Variants in ZNF319 observed in about 807,000 individuals in gnomAD.
ZNF319 encodes zinc finger protein 319.
A neutral mutation model predicts 46.0 loss-of-function variants in ZNF319; 15 were observed. The observed-to-expected ratio is 0.33, with a 90% CI of 0.22 to 0.50. The LOEUF is 0.50. ZNF319 is among the 20% of genes least tolerant of loss of function. The pLI is 0.98. For synonymous variants in ZNF319, 368 were observed against 364.0 expected, an observed-to-expected ratio of 1.01 and a Z score of -0.13; for missense variants, 635 against 807.0, an observed-to-expected ratio of 0.79 and a Z score of 2.58.
In ZNF319 at chr16:57,996,155, T is replaced by G. The variant is rs542845575; in HGVS notation, c.*362A>C. Reference sequence around the variant, plus strand: ...CTTGAAAGATATGGGAAGGTTGGGCTGGCATCACACCCTCCTTAGGGCAGG... The same window carrying G: ...CTTGAAAGATATGGGAAGGTTGGGCGGGCATCACACCCTCCTTAGGGCAGG... On this transcript the variant is annotated 3_prime_UTR_variant, in exon 2 of 2. Transcript: ENST00000299237. 1 of 277,610 alleles carries G rather than the reference T, an allele frequency of 3.6e-6. No homozygotes were observed. Among genetic ancestry groups the G allele is most frequent in the African/African-American group, 2.2e-5 (1 of 45,490 alleles). The allele number at this position is 277,610 out of a possible 1,614,324, so 17.2% of individuals were successfully genotyped here. A position where few individuals can be genotyped will look rare whatever the true frequency, so the allele number is the denominator to read the frequency against.
rs1381888238 is a variant in ZNF319, at chr16:57,997,813, G to A, written c.453C>T (p.His151=). The A allele has an allele frequency of 1.2e-6, 2 of 1,612,686 alleles. No homozygotes were observed. The highest frequency in any genetic ancestry group is 1.7e-6 in the Non-Finnish European group (2 of 1,180,040). ...FSLLTSLAQH[H]SSHSGLVKCS... is the part of the protein sequence containing the mutation. ...ACTTCACCAGGCCACTGTGGGAGCT[G>A]TGGTGCTGTGCCAGTGAGGTGAGTA... is the stretch of plus-strand genomic sequence containing the variant. The change falls in exon 2 of 2, where the codon CAC becomes CAT. Residue 151 remains histidine (H), a synonymous_variant. Transcript: ENST00000299237.
chr16:57,997,074 G>A lies in ZNF319; in HGVS notation c.1192C>T (p.Leu398Phe). Residue 398 changes from leucine to phenylalanine, a missense_variant, in exon 2 of 2, where the codon CTC becomes TTC. Physicochemically the swap from Leu to Phe is conservative, Grantham distance 22. Coordinates refer to ENST00000299237, the MANE Select transcript of ZNF319 (RefSeq NM_020807.3). ...YHQHVHTLETLFKCPVCQKGF... is the reference protein window; with the variant it reads ...YHQHVHTLETFFKCPVCQKGF... Reference sequence around the variant, plus strand: ...TTCTGGCACACGGGGCACTTGAAGAGAGTCTCGAGGGTGTGCACGTGCTGG... The same window carrying A: ...TTCTGGCACACGGGGCACTTGAAGAAAGTCTCGAGGGTGTGCACGTGCTGG... The A allele has an allele frequency of 6.2e-7, 1 of 1,613,948 alleles. No homozygotes were observed. The highest frequency in any genetic ancestry group is 8.5e-7 in the Non-Finnish European group (1 of 1,179,982).
At position 57,998,174 on chromosome 16, in the gene ZNF319, AGGGCTG is replaced by A. The variant is rs779365144; in HGVS notation, c.86_91del (p.Pro29_Ala30del). Reference sequence around the variant, plus strand: ...GCCCGGAGGCAGCGTGTGCTCTGCCAGGGCTGGCGGTGGCTCTGCATGGTGCTGAGG... The same window carrying A: ...GCCCGGAGGCAGCGTGTGCTCTGCCAGCGGTGGCTCTGCATGGTGCTGAGG... On this transcript the variant is annotated inframe_deletion, in exon 2 of 2. Coordinates refer to ENST00000299237, the MANE Select transcript of ZNF319 (RefSeq NM_020807.3). 6.4e-7 allele frequency: 1 copy of A among 1,566,740 alleles called. No individual in the cohort carries two copies. The highest frequency in any genetic ancestry group is 1.2e-5 in the South Asian group (1 of 83,624).
Position 57,996,981 on chromosome 16 carries a change from TG to T in ZNF319, c.1284del (p.Phe428LeufsTer125). ...TAGGCCTTGTTGCACACAGGGCACTTGAAGGGCCGCTCGGCCGCGCCGGGCA... is the reference window on the plus strand; with the variant it reads ...TAGGCCTTGTTGCACACAGGGCACTTAAGGGCCGCTCGGCCGCGCCGGGCA... The part of the protein sequence containing the change: ...KCLPGAAERP[F>X]KCPVCNKAYK... On this transcript the variant is annotated frameshift_variant, in exon 2 of 2. Coordinates refer to ENST00000299237, the MANE Select transcript of ZNF319 (RefSeq NM_020807.3). LOFTEE classifies it high-confidence loss of function. 6.2e-7 allele frequency: 1 copy of T among 1,604,604 alleles called. No individual in the cohort carries two copies.
In ZNF319 at chr16:57,996,388, C is replaced by G; in HGVS notation, c.*129G>C. On this transcript the variant is annotated 3_prime_UTR_variant, in exon 2 of 2. Coordinates refer to ENST00000299237, the MANE Select transcript of ZNF319 (RefSeq NM_020807.3). ...CCTCATACCCCTGCGTCCTCACTCC[C>G]GAGGTCTCAGAACACCGAGCTGGGT... 1 of 1,428,696 alleles carries G rather than the reference C, an allele frequency of 7.0e-7. No individual in the cohort carries two copies. Among genetic ancestry groups the G allele is most frequent in the Non-Finnish European group, 9.1e-7 (1 of 1,095,148 alleles). 88.5% of individuals were successfully genotyped at this position (1,428,696 alleles called of 1,614,324 possible).
Position 57,996,894 on chromosome 16 carries a change from G to A in ZNF319, c.1372C>T (p.Leu458=), listed in dbSNP as rs777119525. 1.2e-6 allele frequency: 2 copies of A among 1,602,342 alleles called. No individual in the cohort carries two copies. Among genetic ancestry groups the A allele is most frequent in the Admixed American group, 1.7e-5 (1 of 59,568 alleles). Residue 458 remains leucine, a synonymous_variant, in exon 2 of 2, where the codon CTG becomes TTG. Transcript: ENST00000299237. ...LAHCAAAEKP[L]RCTLCERRFF... is the part of the protein sequence containing the mutation. ...CGGCGTTCGCAAAGCGTGCAGCGCA[G>A]GGGCTTCTCTGCCGCCGCACAGTGG...
rs1215989080 is a variant in ZNF319, at chr16:57,994,691, G to A, written c.*1826C>T. 3 of 152,214 alleles carry A rather than the reference G, an allele frequency of 2.0e-5. No homozygotes were observed. The highest frequency in any genetic ancestry group is 7.2e-5 in the African/African-American group (3 of 41,430). The allele number at this position is 152,214 out of a possible 1,614,324, so 9.4% of individuals were successfully genotyped here. On this transcript the variant is annotated 3_prime_UTR_variant, in exon 2 of 2. Transcript: ENST00000299237. ...AGTGCAGTGGTCTGTGACGGTCAAT[G>A]TCTTTACTTCTAAAGCATACATTGG... is the stretch of plus-strand genomic sequence containing the variant.
rs56347618 is a variant in ZNF319, at chr16:57,998,122, G to C, written c.144C>G (p.Ala48=). ...CTGGCTGCAGGAGGATGCCATAGAC[G>C]GCACAGCCCAGGGGGTTCTCCGCCG... is the stretch of plus-strand genomic sequence containing the variant. ...PGTAENPLGC[A]VYGILLQPDP... Residue 48 remains alanine (A), a synonymous_variant, in exon 2 of 2, where the codon GCC becomes GCG. Coordinates refer to ENST00000299237, the MANE Select transcript of ZNF319 (RefSeq NM_020807.3). 6.2e-7 allele frequency: 1 copy of C among 1,604,062 alleles called. No homozygotes were observed. Among genetic ancestry groups the C allele is most frequent in the East Asian group, 2.2e-5 (1 of 44,710 alleles).
chr16:57,997,419 C>T lies in ZNF319; in HGVS notation c.847G>A (p.Glu283Lys), dbSNP rs1212517985. The T allele has an allele frequency of 1.4e-5, 22 of 1,612,762 alleles. No individual in the cohort carries two copies. Among genetic ancestry groups the T allele is most frequent in the Non-Finnish European group, 1.9e-5 (22 of 1,179,616 alleles). ...LVRHMYAHSG[E>K]HHLFRCNVCE... ...ACGTTGCAGCGGAACAGGTGGTGCT[C>T]GCCCGAGTGCGCGTACATGTGGCGC... Residue 283 changes from glutamate (E) to lysine (K), a missense_variant, in exon 2 of 2, where the codon GAG becomes AAG. By Grantham distance (56) the Glu-to-Lys change is moderately conservative (BLOSUM62 1). Transcript: ENST00000299237.
chr16:57,996,851 T>C lies in ZNF319; in HGVS notation c.1415A>G (p.Glu472Gly), dbSNP rs1299818666. Residue 472 changes from glutamate (E) to glycine (G), a missense_variant, in exon 2 of 2, where the codon GAG (glutamate) becomes GGG (glycine). Around this residue, in one of 3 missense-constraint regions of ZNF319, gnomAD observed 270 missense variants for 281.4 expected, o/e 0.96. Coordinates refer to ENST00000299237, the MANE Select transcript of ZNF319 (RefSeq NM_020807.3). The stretch of plus-strand genomic sequence containing the variant: ...CGGATCGCAGCGGTGCTGCACGAAC[T>C]CGGAAGAGGAGAAGAAGCGGCGTTC... ...LCERRFFSSS[E>G]FVQHRCDPAR... 6.2e-7 allele frequency: 1 copy of C among 1,605,202 alleles called. No individual in the cohort carries two copies. Among genetic ancestry groups the C allele is most frequent in the African/African-American group, 1.3e-5 (1 of 74,896 alleles).
chr16:57,997,621 C>T lies in ZNF319; in HGVS notation c.645G>A (p.Ser215=), dbSNP rs1392402203. Residue 215 remains serine, a synonymous_variant, in exon 2 of 2, where the codon TCG becomes TCA. Transcript: ENST00000299237. The stretch of plus-strand genomic sequence containing the variant: ...GGATCCGCTCATGCCGAGAGAGCTC[C>T]GACAGGTGCTTGAAGGGCTTTTGGC... ...PICQKPFKHL[S]ELSRHERIHT... is the part of the protein sequence containing the mutation. 2.5e-6 allele frequency: 4 copies of T among 1,614,042 alleles called. No homozygotes were observed. The highest frequency in any genetic ancestry group is 1.1e-5 in the South Asian group (1 of 91,082).
In ZNF319 at chr16:57,996,352, C is replaced by A. The variant is rs949769632; in HGVS notation, c.*165G>T. ...TGGTGCCAGGAGTACGAGCGGCACACCCTCTCCCTGCCTCATACCCCTGCG... is the reference window on the plus strand; with the variant it reads ...TGGTGCCAGGAGTACGAGCGGCACAACCTCTCCCTGCCTCATACCCCTGCG... On this transcript the variant is annotated 3_prime_UTR_variant, in exon 2 of 2. Transcript: ENST00000299237. 54 of 1,371,408 alleles carry A rather than the reference C, an allele frequency of 3.9e-5. No individual in the cohort carries two copies. The African/African-American group carries it at 7.6e-4, about 19-fold the overall frequency. 85.0% of individuals were successfully genotyped at this position (1,371,408 alleles called of 1,614,324 possible). A position where few individuals can be genotyped will look rare whatever the true frequency, so the allele number is the denominator to read the frequency against.
rs776956663 is a variant in ZNF319 at position 57,997,961 on chromosome 16, C to T, written c.305G>A (p.Arg102His). ...HEHQCLAGHD[R>H]SFQCTQCLKI... Reference sequence around the variant, plus strand: ...GAGACACTGTGTGCACTGGAATGAGCGGTCATGGCCCGCCAGACACTGGTG... The same window carrying T: ...GAGACACTGTGTGCACTGGAATGAGTGGTCATGGCCCGCCAGACACTGGTG... Residue 102 changes from arginine to histidine, a missense_variant, in exon 2 of 2, where the codon CGC becomes CAC. Transcript: ENST00000299237. 12 of 1,613,488 alleles carry T rather than the reference C, an allele frequency of 7.4e-6. No individual in the cohort carries two copies. Among genetic ancestry groups the T allele is most frequent in the Non-Finnish European group, 1.0e-5 (12 of 1,180,038 alleles).
chr16:57,996,883 C>G lies in ZNF319; in HGVS notation c.1383G>C (p.Thr461=). ...AGGAGAAGAAGCGGCGTTCGCAAAG[C>G]GTGCAGCGCAGGGGCTTCTCTGCCG... ...CAAAEKPLRC[T]LCERRFFSSS... is the part of the protein sequence containing the mutation. Residue 461 remains threonine (T), a synonymous_variant, in exon 2 of 2, where the codon ACG becomes ACC. Transcript: ENST00000299237. The G allele has an allele frequency of 6.2e-7, 1 of 1,602,824 alleles. No homozygotes were observed. The highest frequency in any genetic ancestry group is 8.5e-7 in the Non-Finnish European group (1 of 1,178,938).
Position 57,997,109 on chromosome 16 carries a change from A to C in ZNF319, c.1157T>G (p.Leu386Arg). The C allele has an allele frequency of 6.2e-7, 1 of 1,614,112 alleles. No homozygotes were observed. Among genetic ancestry groups the C allele is most frequent in the Non-Finnish European group, 8.5e-7 (1 of 1,179,984 alleles). The change falls in exon 2 of 2, where the codon CTG becomes CGG. Residue 386 changes from leucine to arginine, a missense_variant. This residue lies in a region of ZNF319 where 270 missense variants were observed against 281.4 expected (regional missense o/e 0.96). Coordinates refer to ENST00000299237, the MANE Select transcript of ZNF319 (RefSeq NM_020807.3). ...GGTGTGCACGTGCTGGTGGTAGAGCAGGTGGCTGGGCTGCCCAAAGCCCTT... is the reference window on the plus strand; with the variant it reads ...GGTGTGCACGTGCTGGTGGTAGAGCCGGTGGCTGGGCTGCCCAAAGCCCTT... ...CEKGFGQPSH[L>R]LYHQHVHTLE...
chr16:57,997,774 T>A lies in ZNF319; in HGVS notation c.492A>T (p.Glu164Asp), dbSNP rs1567412942. 5.6e-6 allele frequency: 9 copies of A among 1,613,110 alleles called. No homozygotes were observed. The highest frequency in any genetic ancestry group is 6.8e-6 in the Non-Finnish European group (8 of 1,180,018). ...HSGLVKCSIC[E>D]KTYKPAEAAE... ...CTGCCTCAGCTGGCTTGTAGGTCTT[T>A]TCACAGATGGAACACTTCACCAGGC... The change falls in exon 2 of 2, where the codon GAA (glutamate) becomes GAT (aspartate). Residue 164 changes from glutamate (E) to aspartate (D), a missense_variant. Physicochemically the swap from Glu to Asp is conservative, Grantham distance 45. Around this residue, in one of 3 missense-constraint regions of ZNF319, gnomAD observed 227 missense variants for 277.5 expected, o/e 0.82. Transcript: ENST00000299237.
chr16:57,998,542 T>G lies in ZNF319; in HGVS notation c.-257-20A>C. 5.1e-6 allele frequency: 2 copies of G among 392,084 alleles called. No homozygotes were observed. Among genetic ancestry groups the G allele is most frequent in the South Asian group, 8.4e-5 (1 of 11,896 alleles). 24.3% of individuals were successfully genotyped at this position (392,084 alleles called of 1,614,324 possible). A position where few individuals can be genotyped will look rare whatever the true frequency, so the allele number is the denominator to read the frequency against. On this transcript the variant is annotated intron_variant, in intron 1 of 1. Transcript: ENST00000299237. ...TCCGTTCTGTAGAGAAGAGAGAAAGTATGAGCTCGAGGAAGGAACAAGCAG... is the reference window on the plus strand; with the variant it reads ...TCCGTTCTGTAGAGAAGAGAGAAAGGATGAGCTCGAGGAAGGAACAAGCAG...
chr16:57,996,951 G>C lies in ZNF319; in HGVS notation c.1315C>G (p.Arg439Gly), dbSNP rs563911549. The C allele has an allele frequency of 1.9e-6, 3 of 1,602,120 alleles. No homozygotes were observed. The highest frequency in any genetic ancestry group is 2.5e-6 in the Non-Finnish European group (3 of 1,178,656). Residue 439 changes from arginine to glycine, a missense_variant, in exon 2 of 2, where the codon CGC becomes GGC. Around this residue, in one of 3 missense-constraint regions of ZNF319, gnomAD observed 270 missense variants for 281.4 expected, o/e 0.96. Transcript: ENST00000299237. Reference sequence around the variant, plus strand: ...TGGTGCTTCTGCAGGGCCGACGCGCGCTTGTAGGCCTTGTTGCACACAGGG... The same window carrying C: ...TGGTGCTTCTGCAGGGCCGACGCGCCCTTGTAGGCCTTGTTGCACACAGGG... ...KCPVCNKAYK[R>G]ASALQKHQLA...
At position 57,996,983 on chromosome 16, in the gene ZNF319, A is replaced by G; in HGVS notation, c.1283T>C (p.Phe428Ser). The G allele has an allele frequency of 6.2e-7, 1 of 1,604,738 alleles. No individual in the cohort carries two copies. Among genetic ancestry groups the G allele is most frequent in the Non-Finnish European group, 8.5e-7 (1 of 1,178,896 alleles). The change falls in exon 2 of 2, where the codon TTC (phenylalanine) becomes TCC (serine). Residue 428 changes from phenylalanine to serine, a missense_variant. Phe to Ser is a radical substitution (Grantham distance 155). This residue lies in a region of ZNF319 where 270 missense variants were observed against 281.4 expected (regional missense o/e 0.96). Coordinates refer to ENST00000299237, the MANE Select transcript of ZNF319 (RefSeq NM_020807.3). The part of the protein sequence containing the change: ...KCLPGAAERP[F>S]KCPVCNKAYK... Reference sequence around the variant, plus strand: ...GGCCTTGTTGCACACAGGGCACTTGAAGGGCCGCTCGGCCGCGCCGGGCAG... The same window carrying G: ...GGCCTTGTTGCACACAGGGCACTTGGAGGGCCGCTCGGCCGCGCCGGGCAG...
Sources: allele counts gnomAD v4.1 joint callset, GRCh38; gene constraint gnomAD v4.1.1; regional missense constraint gnomAD v4.1.1; transcripts MANE v1.5; gene names NCBI Gene and HGNC (gene_info 2026-07-23, HGNC 2026-07-21).